TNRC6B: variants seen among roughly 807,000 people sequenced by gnomAD.
The protein encoded by TNRC6B is trinucleotide repeat containing adaptor 6B, also known as trinucleotide repeat-containing gene 6B protein.
Under a neutral mutation model 203.6 loss-of-function variants are expected in TNRC6B, and 52 were observed. That is an observed-to-expected ratio of 0.26 (90% CI 0.20 to 0.32). TNRC6B has a LOEUF of 0.32. Ranked by LOEUF, TNRC6B falls within the 10% of genes least tolerant of loss-of-function variation. TNRC6B has a pLI of 1.00. For synonymous variants in TNRC6B, 838 were observed against 845.7 expected, an observed-to-expected ratio of 0.99 and a Z score of 0.16; for missense variants, 1,923 against 2,286.2, an observed-to-expected ratio of 0.84 and a Z score of 3.24.
intron 16 of TNRC6B, among the ~76,000 whole-genome samples, 161 bp from the exon 17 acceptor site, chr22:40,310,656 A>C (rs2071164554): frequency 6.6e-6 from 1 of 152,230 alleles, no homozygotes; most frequent in Admixed American, 6.5e-5. Context: ...CATGCTGCTT[A>C]GTAATTCTGT....
At chr22:40,279,881 A>G (rs2070700901) in intron 9 of TNRC6B, 114 bp from the exon 10 acceptor site, 2 of 827,384 alleles carry the variant, frequency 2.4e-6, no homozygotes, top group Non-Finnish European at 3.7e-6. Context: ...CAGAAATAGA[A>G]ATATTAATAG....
chr22:40,124,264 G>A (rs1444914792), intron 2 of TNRC6B, among the ~76,000 whole-genome samples: 2 of 151,218 alleles, frequency 1.3e-5, no homozygotes, highest in African/African-American at 4.9e-5. Flanking sequence ...CAAGCGTTGT[G>A]CATTAATAGA....
At chr22:40,294,718 C>T (rs2070916064) in intron 12 of TNRC6B, among the ~76,000 whole-genome samples, 1 of 152,228 alleles carries the variant, frequency 6.6e-6, no homozygotes, top group African/African-American at 2.4e-5. Flanking sequence ...TATACTCACC[C>T]TCCTTTCCCC....
chr22:40,312,464 T>A, intron 17 of TNRC6B, 41 bp from the exon 18 acceptor site: 2 of 1,577,874 alleles, frequency 1.3e-6, no homozygotes, highest in Non-Finnish European at 1.7e-6. Flanking sequence ...CATTTTTTTT[T>A]AACGACCTTC....
intron 1 of TNRC6B, among the ~76,000 whole-genome samples, chr22:40,213,866 A>G (rs2069596683): frequency 6.6e-6 from 1 of 152,242 alleles, no homozygotes; most frequent in South Asian, 2.1e-4. Context: ...ATATGGAAAA[A>G]GAACTCGGGT....
chr22:40,261,045 C>T (rs904604496), intron 3 of TNRC6B, among the ~76,000 whole-genome samples: 10 of 151,888 alleles, frequency 6.6e-5, no homozygotes, highest in Non-Finnish European at 8.8e-5. Context: ...TTTGGGAGGC[C>T]GAGGTGGGTA....
chr22:40,065,286 A>G (rs2067886231), intron 1 of TNRC6B, among the ~76,000 whole-genome samples: 1 of 152,040 alleles, frequency 6.6e-6, no homozygotes, highest in African/African-American at 2.4e-5. Flanking sequence ...AGCTAAGACT[A>G]CAGGTGTGTA....
intron 3 of TNRC6B, among the ~76,000 whole-genome samples, chr22:40,261,036 T>C (rs975993287): frequency 1.7e-4 from 26 of 152,218 alleles, no homozygotes; most frequent in Non-Finnish European, 2.6e-4. Context: ...TCCCAGCACT[T>C]TGGGAGGCCG....
At chr22:40,157,161 A>G (rs2068825231) in intron 4 of TNRC6B, among the ~76,000 whole-genome samples, 1 of 152,130 alleles carries the variant, frequency 6.6e-6, no homozygotes, top group Non-Finnish European at 1.5e-5. Context: ...TCTCTCCGTC[A>G]TAGAATGTGA....
At chr22:40,227,940 T>C (rs2146445775) in intron 1 of TNRC6B, among the ~76,000 whole-genome samples, 1 of 152,312 alleles carries the variant, frequency 6.6e-6, no homozygotes. Context: ...TTCTCTCCTG[T>C]TTAGGAGCCA....
At chr22:40,299,020 ATCACAACAC>A (rs2070984474) in intron 12 of TNRC6B, among the ~76,000 whole-genome samples, 1 of 151,708 alleles carries the variant, frequency 6.6e-6, no homozygotes, top group African/African-American at 2.4e-5. Flanking sequence ...CATACTTGTA[ATCACAACAC>A]TTTGAGAGGA....
At chr22:40,207,332 C>T (rs2069492264) in intron 1 of TNRC6B, among the ~76,000 whole-genome samples, 1 of 149,124 alleles carries the variant, frequency 6.7e-6, no homozygotes. Context: ...TGCCTGAGCT[C>T]AGAAGTTCGT....
chr22:40,295,287 C>T lies in TNRC6B; in HGVS notation c.3709-5168C>T, dbSNP rs528955191. Among the ~76,000 whole-genome samples, 111 of 152,114 alleles carry T rather than the reference C, an allele frequency of 7.3e-4. 2 individuals carry two copies. The South Asian group carries it at 0.018, about 25-fold the overall frequency. ...GGTCAGGAGTTCAAGACCAGCCTGA[C>T]CAACATGGTGAAACCCCGTCTCTAT... On this transcript the variant is annotated intron_variant, in intron 12 of 22. Coordinates refer to ENST00000454349, the MANE Select transcript of TNRC6B (RefSeq NM_001162501.2).
chr22:40,314,782 T>A (rs1043449728), intron 19 of TNRC6B, among the ~76,000 whole-genome samples: 3 of 152,256 alleles, frequency 2.0e-5, no homozygotes, highest in East Asian at 3.8e-4. Flanking sequence ...TAGTAAGCCC[T>A]TAGTGAATAT....
chr22:40,260,926 T>C (rs1023266993), intron 3 of TNRC6B, among the ~76,000 whole-genome samples: 4 of 151,936 alleles, frequency 2.6e-5, no homozygotes, highest in Admixed American at 6.6e-5. Flanking sequence ...CCCTTGAGAG[T>C]AGAGTAAAAG....
intron 1 of TNRC6B, among the ~76,000 whole-genome samples, chr22:40,089,913 C>A (rs1188420308): frequency 6.6e-6 from 1 of 152,132 alleles, no homozygotes; most frequent in Non-Finnish European, 1.5e-5. Context: ...TTTTTCTTTT[C>A]CAGATGTTAT....
intron 1 of TNRC6B, among the ~76,000 whole-genome samples, chr22:40,186,325 A>AAC (rs1418988224): frequency 2.0e-5 from 3 of 152,110 alleles, no homozygotes; most frequent in African/African-American, 7.2e-5. Flanking sequence ...AACATTCCCG[A>AAC]ACCTGGTGTT....
chr22:40,287,573 C>A (rs1184754365), intron 12 of TNRC6B, among the ~76,000 whole-genome samples: 2 of 152,162 alleles, frequency 1.3e-5, no homozygotes, highest in African/African-American at 4.8e-5. Flanking sequence ...CTTCAAGCCC[C>A]AGGTAGAGGT....
intron 4 of TNRC6B, among the ~76,000 whole-genome samples, chr22:40,169,079 T>C (rs1212874033): frequency 1.3e-5 from 2 of 151,736 alleles, no homozygotes; most frequent in African/African-American, 2.4e-5. Context: ...GTGCAACAAA[T>C]AATGGTTGTT....
Sources: gnomAD v4.1 joint callset for allele counts (sites outside exome capture counted in the v4.1 genomes callset) on GRCh38, gnomAD v4.1.1 for gene constraint, MANE v1.5 for transcripts, NCBI Gene and HGNC (gene_info 2026-07-23, HGNC 2026-07-21) for gene names.